The following BANK1 variants were observed in gnomAD, a reference collection of about 807,000 sequenced individuals.
The protein encoded by BANK1 is B cell scaffold protein with ankyrin repeats 1.
Under a neutral mutation model 94.5 loss-of-function variants are expected in BANK1, and 95 were observed. The observed-to-expected ratio is 1.00, with a 90% CI of 0.85 to 1.19. The LOEUF (loss-of-function observed/expected upper bound fraction) is 1.19. Ranked by LOEUF, BANK1 falls within the 50% of genes most tolerant of loss-of-function variation. BANK1 has a pLI of 0.00. For synonymous variants in BANK1, 334 were observed against 308.4 expected (o/e 1.08, Z -0.87); for missense variants, 987 against 932.2 (o/e 1.06, Z -0.77).
chr4:101,811,318 T>C (rs1042525060), intron 1 of BANK1, among the ~76,000 whole-genome samples: 9 of 152,192 alleles, frequency 5.9e-5, no homozygotes, highest in African/African-American at 2.2e-4. Flanking sequence ...TGAACCATTT[T>C]TAACCCTGGT....
chr4:101,854,187 T>G (rs540445822), intron 2 of BANK1, among the ~76,000 whole-genome samples: 1 of 152,156 alleles, frequency 6.6e-6, no homozygotes, highest in African/African-American at 2.4e-5. Context: ...GGCATGAGTT[T>G]ATAGATGTGA....
rs138631457 is a variant in BANK1 at position 101,951,689 on chromosome 4, A to C, written c.1206+33500A>C. Reference sequence around the variant, plus strand: ...AAAAATGTTGGTTTTTACATTTTTTAAAAAATTTGTTTTTGCTCTGATAAA... The same window carrying C: ...AAAAATGTTGGTTTTTACATTTTTTCAAAAATTTGTTTTTGCTCTGATAAA... On this transcript the variant is annotated intron_variant, in intron 7 of 16. Transcript: ENST00000322953. Among the ~76,000 whole-genome samples, 34 of 152,184 alleles carry C rather than the reference A, an allele frequency of 2.2e-4. No individual in the cohort carries two copies. The East Asian group carries it at 5.8e-3, about 26-fold the overall frequency.
Position 101,909,735 on chromosome 4 carries a change from G to T in BANK1, c.1010-8258G>T, listed in dbSNP as rs1184404267. ...TTTATGCCCAGATTTTGGGGGGCCT[G>T]CTCCCAACAACATATATAAAAATAT... is the stretch of plus-strand genomic sequence containing the variant. On this transcript the variant is annotated intron_variant, in intron 6 of 16. Coordinates refer to ENST00000322953, the MANE Select transcript of BANK1 (RefSeq NM_017935.5). 3.3e-5 allele frequency among the ~76,000 whole-genome samples: 5 copies of T among 152,016 alleles called. No individual in the cohort carries two copies. The East Asian group carries it at 9.6e-4, about 29-fold the overall frequency.
chr4:101,998,012 G>A (rs532286735), intron 7 of BANK1, among the ~76,000 whole-genome samples: 4 of 152,246 alleles, frequency 2.6e-5, no homozygotes, highest in African/African-American at 9.6e-5. Flanking sequence ...CGATGTAAGA[G>A]TGGCGATTTT....
chr4:101,846,166 G>A (rs1437045778), intron 2 of BANK1, among the ~76,000 whole-genome samples: 1 of 152,094 alleles, frequency 6.6e-6, no homozygotes, highest in Non-Finnish European at 1.5e-5. Flanking sequence ...CAAAGACTGG[G>A]AACCAACCCA....
intron 7 of BANK1, among the ~76,000 whole-genome samples, chr4:101,988,013 G>T (rs1725573887): frequency 6.6e-6 from 1 of 152,148 alleles, no homozygotes; most frequent in African/African-American, 2.4e-5. Flanking sequence ...TAACCATGAA[G>T]AGCAGAGGCC....
rs1056800595 is a variant in BANK1, at chr4:101,927,803, A to G, written c.1206+9614A>G. 2.0e-5 allele frequency among the ~76,000 whole-genome samples: 3 copies of G among 151,672 alleles called. No individual in the cohort carries two copies. In the South Asian group the frequency reaches 6.2e-4, roughly 31 times the overall value. ...AGAAAAATCAGGAGTTTGGCTTGGGACACGTTAAATTTGAAATGCCTACTA... is the reference window on the plus strand; with the variant it reads ...AGAAAAATCAGGAGTTTGGCTTGGGGCACGTTAAATTTGAAATGCCTACTA... On this transcript the variant is annotated intron_variant, in intron 7 of 16. Coordinates refer to ENST00000322953, the MANE Select transcript of BANK1 (RefSeq NM_017935.5).
chr4:101,826,701 A>G (rs1451567549), intron 1 of BANK1, among the ~76,000 whole-genome samples: 1 of 152,040 alleles, frequency 6.6e-6, no homozygotes, highest in African/African-American at 2.4e-5. Context: ...ACAGAACTAT[A>G]TTGATGATTC....
intron 1 of BANK1, among the ~76,000 whole-genome samples, chr4:101,820,871 C>T (rs1411794041): frequency 6.6e-6 from 1 of 152,098 alleles, no homozygotes; most frequent in East Asian, 1.9e-4. Flanking sequence ...TCCAATCTGT[C>T]ATTGATGGGC....
chr4:101,948,280 C>T (rs748098283), intron 7 of BANK1, among the ~76,000 whole-genome samples: 6 of 152,052 alleles, frequency 3.9e-5, no homozygotes, highest in Non-Finnish European at 4.4e-5. Flanking sequence ...TGAATTTGTA[C>T]AGTGATGCTA....
At chr4:101,953,262 C>T (rs755113207) in intron 7 of BANK1, among the ~76,000 whole-genome samples, 9 of 152,092 alleles carry the variant, frequency 5.9e-5, no homozygotes, top group South Asian at 2.1e-4. Context: ...AAGTAGTGGA[C>T]GAAATGTTCC....
intron 5 of BANK1, among the ~76,000 whole-genome samples, chr4:101,872,569 A>G (rs1158261523): frequency 1.3e-5 from 2 of 152,194 alleles, no homozygotes; most frequent in Non-Finnish European, 2.9e-5. Flanking sequence ...AGGCATTGCC[A>G]TGGTGTATTT....
chr4:101,820,631 C>A (rs1726106177), intron 1 of BANK1, among the ~76,000 whole-genome samples: 1 of 152,140 alleles, frequency 6.6e-6, no homozygotes, highest in African/African-American at 2.4e-5. Context: ...CTCCCACCCT[C>A]CACCTTCAAG....
intron 2 of BANK1, among the ~76,000 whole-genome samples, chr4:101,832,028 T>G (rs1001398527): frequency 6.6e-6 from 1 of 152,208 alleles, no homozygotes; most frequent in African/African-American, 2.4e-5. Context: ...CTTGGTTGGC[T>G]GAAGGTCACT....
At chr4:101,835,786 G>A (rs1726801401) in intron 2 of BANK1, among the ~76,000 whole-genome samples, 1 of 152,122 alleles carries the variant, frequency 6.6e-6, no homozygotes, top group South Asian at 2.1e-4. Flanking sequence ...TCAGCTCTTT[G>A]AAGGTATGGC....
chr4:101,800,501 T>C (rs1222558507), intron 1 of BANK1, among the ~76,000 whole-genome samples: 1 of 152,152 alleles, frequency 6.6e-6, no homozygotes, highest in African/African-American at 2.4e-5. Context: ...TTACTTTCTA[T>C]ATATCATCCC....
chr4:101,936,253 A>G (rs1310462009), intron 7 of BANK1, among the ~76,000 whole-genome samples: 2 of 148,302 alleles, frequency 1.3e-5, no homozygotes, highest in Admixed American at 6.9e-5. Context: ...CATATATGAC[A>G]CACATACATG....
rs1450864126 is a variant in BANK1 at position 101,962,010 on chromosome 4, C to T, written c.1206+43821C>T. On this transcript the variant is annotated intron_variant, in intron 7 of 16. Coordinates refer to ENST00000322953, the MANE Select transcript of BANK1 (RefSeq NM_017935.5). Reference sequence around the variant, plus strand: ...TCTTCTAATTTCAGTTCATTTTTTTCGTGCCTCCCTGGTGAAATAATTAGA... The same window carrying T: ...TCTTCTAATTTCAGTTCATTTTTTTTGTGCCTCCCTGGTGAAATAATTAGA... Among the ~76,000 whole-genome samples the T allele has an allele frequency of 2.0e-5, 3 of 152,040 alleles. 1 individual carries two copies. In the South Asian group the frequency reaches 6.2e-4, roughly 32 times the overall value.
chr4:101,794,465 T>C (rs1725088761), intron 1 of BANK1, among the ~76,000 whole-genome samples: 1 of 152,276 alleles, frequency 6.6e-6, no homozygotes, highest in Admixed American at 6.5e-5. Context: ...GCTTTCTTCA[T>C]AGAATATAGA....
Sources: gnomAD v4.1 joint callset for allele counts (sites outside exome capture counted in the v4.1 genomes callset) on GRCh38, gnomAD v4.1.1 for gene constraint, MANE v1.5 for transcripts, NCBI Gene and HGNC (gene_info 2026-07-23, HGNC 2026-07-21) for gene names.